Variants in TTC28 observed in about 807,000 individuals in gnomAD.
TTC28 encodes tetratricopeptide repeat domain 28.
A neutral mutation model predicts 198.0 loss-of-function variants in TTC28; 61 were observed. The ratio of observed to expected loss-of-function variants is 0.31; its 90% CI spans 0.25 to 0.38. The LOEUF (loss-of-function observed/expected upper bound fraction) is 0.38, where lower values mean the gene tolerates loss of function less well. TTC28 is among the 10% of genes least tolerant of loss of function. TTC28 has a pLI of 1.00. For synonymous variants in TTC28, 1,171 were observed against 1,297.8 expected (o/e 0.90, Z 2.10); for missense variants, 2,678 against 3,164.0 (o/e 0.85, Z 3.69).
intron 6 of TTC28, among the ~76,000 whole-genome samples, chr22:28,162,761 CA>C (rs553294976): frequency 1.6e-3 from 247 of 152,236 alleles, no homozygotes; most frequent in African/African-American, 5.5e-3. Context: ...CCAGCCTGGG[CA>C]ACATAAGAAG....
chr22:28,010,917 C>T (rs903471079), intron 14 of TTC28, among the ~76,000 whole-genome samples: 3 of 152,214 alleles, frequency 2.0e-5, no homozygotes, highest in East Asian at 1.9e-4. Flanking sequence ...TGACCGCCAA[C>T]GTGTACCAGG....
intron 2 of TTC28, among the ~76,000 whole-genome samples, chr22:28,434,042 C>G (rs2047477580): frequency 6.6e-6 from 1 of 152,036 alleles, no homozygotes; most frequent in South Asian, 2.1e-4. Flanking sequence ...AAAGGGAGAA[C>G]AAATGTCAAG....
chr22:28,108,067 T>G lies in TTC28; in HGVS notation c.1778A>C (p.Glu593Ala). 1 of 1,551,582 alleles carries G rather than the reference T, an allele frequency of 6.4e-7. No homozygotes were observed. The highest frequency in any genetic ancestry group is 8.7e-7 in the Non-Finnish European group (1 of 1,146,956). The change falls in exon 7 of 23, where the codon GAG (glutamate) becomes GCG (alanine). Residue 593 changes from glutamate to alanine, a missense_variant. This residue lies in a region of TTC28 where 775 missense variants were observed against 845.9 expected (regional missense o/e 0.92). Coordinates refer to ENST00000397906, the MANE Select transcript of TTC28 (RefSeq NM_001145418.2). ...IARELRDIQS[E>A]ARALSNLGNF... ...GCCCAGGTTGCTGAGGGCCCGGGCC[T>G]CGCTCTGGATGTCTCGTAGCTCCCG...
chr22:28,531,822 C>G (rs1179067465), intron 2 of TTC28, among the ~76,000 whole-genome samples: 1 of 152,070 alleles, frequency 6.6e-6, no homozygotes, highest in Admixed American at 6.6e-5. Flanking sequence ...GGGTACATAA[C>G]GAAATGAAGG....
chr22:28,437,533 G>A (rs2047539266), intron 2 of TTC28, among the ~76,000 whole-genome samples: 1 of 152,100 alleles, frequency 6.6e-6, no homozygotes, highest in South Asian at 2.1e-4. Flanking sequence ...GAAGAAACAG[G>A]GTAGGGCTTT....
At chr22:28,678,545 C>G (rs562464645) in intron 1 of TTC28, among the ~76,000 whole-genome samples, 2 of 152,298 alleles carry the variant, frequency 1.3e-5, no homozygotes, top group East Asian at 3.9e-4. Context: ...GTATACTAAG[C>G]AACATGTACC....
intron 5 of TTC28, among the ~76,000 whole-genome samples, chr22:28,275,646 C>CT (rs904302237): frequency 1.3e-5 from 2 of 151,286 alleles, no homozygotes; most frequent in African/African-American, 4.9e-5. Flanking sequence ...ACTCCAGCTG[C>CT]TTTTTTGGAG....
At chr22:27,993,673 C>CACTG in intron 17 of TTC28, 155 bp from the exon 18 acceptor site, 1 of 679,262 alleles carries the variant, frequency 1.5e-6, no homozygotes, top group East Asian at 2.8e-5. Context: ...GACACTGGGG[C>CACTG]ACTGACTAGG....
At chr22:28,419,550 T>C (rs571517379) in intron 2 of TTC28, among the ~76,000 whole-genome samples, 2 of 152,312 alleles carry the variant, frequency 1.3e-5, no homozygotes, top group East Asian at 3.9e-4. Context: ...ATTTTCTTAC[T>C]GAGGGCATTA....
intron 6 of TTC28, among the ~76,000 whole-genome samples, chr22:28,160,975 C>T (rs1921103978): frequency 6.6e-6 from 1 of 152,012 alleles, no homozygotes; most frequent in Non-Finnish European, 1.5e-5. Flanking sequence ...GCAGAGCATG[C>T]CAACTACTGA....
chr22:28,087,312 C>T (rs568158377), intron 12 of TTC28, among the ~76,000 whole-genome samples: 1 of 152,262 alleles, frequency 6.6e-6, no homozygotes, highest in South Asian at 2.1e-4. Context: ...GCTTATCCAC[C>T]ATGATCAAGT....
chr22:28,507,781 A>AC (rs1361022366), intron 2 of TTC28, among the ~76,000 whole-genome samples: 1 of 152,328 alleles, frequency 6.6e-6, no homozygotes, highest in East Asian at 1.9e-4. Context: ...AGAATTTCCA[A>AC]CCCAAAATTT....
intron 2 of TTC28, among the ~76,000 whole-genome samples, chr22:28,502,123 T>C (rs2048545508): frequency 6.6e-6 from 1 of 152,226 alleles, no homozygotes; most frequent in Non-Finnish European, 1.5e-5. Flanking sequence ...GGTGATGGTC[T>C]ATAACTAAAG....
At chr22:28,106,335 T>A (rs933573611) in intron 7 of TTC28, among the ~76,000 whole-genome samples, 2 of 152,122 alleles carry the variant, frequency 1.3e-5, no homozygotes, top group Admixed American at 1.3e-4. Context: ...TAGGAGAAAG[T>A]ATCACCTTGA....
chr22:27,993,782 C>A (rs142814985), intron 17 of TTC28, among the ~76,000 whole-genome samples: 320 of 152,274 alleles, frequency 2.1e-3, no homozygotes, highest in African/African-American at 7.4e-3. Flanking sequence ...AAACCAACCC[C>A]TTCCACACTC....
intron 2 of TTC28, among the ~76,000 whole-genome samples, chr22:28,589,956 G>A (rs1388275096): frequency 7.8e-5 from 11 of 141,436 alleles, no homozygotes; most frequent in African/African-American, 1.9e-4. Context: ...AGAACTGCTC[G>A]AACCCGGGAG....
Position 27,990,797 on chromosome 22 carries a change from C to T in TTC28, c.5569G>A (p.Val1857Ile), listed in dbSNP as rs2146518359. ...QLISRAVKNM[V>I]GMLHQVLVQL... ...CTTAAAGTAGTACTCACCATTCCAA[C>T]CATATTTTTAACAGCCTTCGGCCAG... is the stretch of plus-strand genomic sequence containing the variant. The change falls in exon 20 of 23, where the codon GTT becomes ATT. Residue 1857 changes from valine to isoleucine, a missense_variant. Around this residue, in one of 8 missense-constraint regions of TTC28, gnomAD observed 314 missense variants for 442.7 expected, o/e 0.71. Coordinates refer to ENST00000397906, the MANE Select transcript of TTC28 (RefSeq NM_001145418.2). 1.3e-6 allele frequency: 2 copies of T among 1,550,148 alleles called. No homozygotes were observed. The highest frequency in any genetic ancestry group is 1.7e-6 in the Non-Finnish European group (2 of 1,146,780).
chr22:28,546,305 G>T (rs1055348492), intron 2 of TTC28, among the ~76,000 whole-genome samples: 36 of 152,158 alleles, frequency 2.4e-4, no homozygotes, highest in African/African-American at 8.7e-4. Context: ...AATTAGCCAG[G>T]TGTGGTGGTG....
intron 1 of TTC28, among the ~76,000 whole-genome samples, chr22:28,673,443 G>T (rs2145714533): frequency 6.6e-6 from 1 of 152,148 alleles, no homozygotes; most frequent in East Asian, 1.9e-4. Flanking sequence ...CCCCTTACCT[G>T]GTACGTACTT....
Sources: gnomAD v4.1 joint callset for allele counts (sites outside exome capture counted in the v4.1 genomes callset) on GRCh38, gnomAD v4.1.1 for gene constraint, gnomAD v4.1.1 regional missense constraint, MANE v1.5 for transcripts, NCBI Gene and HGNC (gene_info 2026-07-23, HGNC 2026-07-21) for gene names.